The following MYO5A variants were observed in gnomAD, a reference collection of about 807,000 sequenced individuals.
MYO5A encodes the protein myosin VA, also known as unconventional myosin-Va.
A neutral mutation model predicts 249.7 loss-of-function variants in MYO5A; 98 were observed. The ratio of observed to expected loss-of-function variants is 0.39; its 90% CI spans 0.33 to 0.46. MYO5A has a LOEUF of 0.46. MYO5A is among the 20% of genes least tolerant of loss of function. The pLI is 0.98. For synonymous variants in MYO5A, 778 were observed against 810.6 expected (o/e 0.96, Z 0.68); for missense variants, 1,696 against 2,308.8 (o/e 0.73, Z 5.44).
At position 52,397,240 on chromosome 15, in the gene MYO5A, A is replaced by G. The variant is rs201349993; in HGVS notation, c.1280T>C (p.Val427Ala). Residue 427 changes from valine (V) to alanine (A), a missense_variant, in exon 10 of 42, where the codon GTC becomes GCC. Physicochemically the swap from Val to Ala is moderately conservative, Grantham distance 64 (BLOSUM62 0). This residue lies in a region of MYO5A where 185 missense variants were observed against 204.8 expected (regional missense o/e 0.90). Transcript: ENST00000399233. Reference protein sequence around the residue: ...DNVNQALHSAVKQHSFIGVLD... With the variant: ...DNVNQALHSAAKQHSFIGVLD... The stretch of plus-strand genomic sequence containing the variant: ...CACACCAATAAAAGAGTGCTGTTTG[A>G]CAGCAGAATGGAGAGCCTGATTGAC... The G allele has an allele frequency of 9.1e-5, 147 of 1,614,024 alleles. No individual in the cohort carries two copies. The highest frequency in any genetic ancestry group is 3.4e-5 in the Non-Finnish European group (40 of 1,179,994).
At chr15:52,376,055 G>A (rs921058027) in intron 19 of MYO5A, among the ~76,000 whole-genome samples, 6 of 152,096 alleles carry the variant, frequency 3.9e-5, no homozygotes, top group Non-Finnish European at 8.8e-5. Context: ...TCATATTCAC[G>A]ACTGTTTTAA....
chr15:52,403,029 A>G (rs1313629466), intron 9 of MYO5A, among the ~76,000 whole-genome samples: 1 of 152,236 alleles, frequency 6.6e-6, no homozygotes, highest in East Asian at 1.9e-4. Context: ...GAACTTCTGG[A>G]CATTATAAGT....
In MYO5A at chr15:52,370,195, C is replaced by A; in HGVS notation, c.3040G>T (p.Asp1014Tyr). ...TGCTCTGTTTCTTGTTTGTATCGAT[C>A]TGCATGTTCCTCAATGCATTTTTTC... ...SEKKCIEEHA[D>Y]RYKQETEQLV... Residue 1014 changes from aspartate (D) to tyrosine (Y), a missense_variant, in exon 22 of 42, where the codon GAT becomes TAT. Coordinates refer to ENST00000399233, the MANE Select transcript of MYO5A (RefSeq NM_001382347.1). 1.9e-6 allele frequency: 3 copies of A among 1,614,134 alleles called. No homozygotes were observed. Among genetic ancestry groups the A allele is most frequent in the Non-Finnish European group, 2.5e-6 (3 of 1,180,006 alleles).
chr15:52,351,168 TG>T, intron 28 of MYO5A, 85 bp downstream of exon 28: 1 of 1,000,096 alleles, frequency 1.0e-6, no homozygotes, highest in African/African-American at 1.6e-5. Context: ...CTTAAGTGTT[TG>T]CTGCATTATA....
intron 11 of MYO5A, among the ~76,000 whole-genome samples, chr15:52,395,089 C>T (rs566024404): frequency 1.6e-3 from 244 of 152,234 alleles, no homozygotes; most frequent in African/African-American, 5.7e-3. Flanking sequence ...TTCCTTGTCC[C>T]ATCTCTCCCC....
intron 26 of MYO5A, 65 bp from the exon 27 acceptor site, chr15:52,353,723 T>C (rs975320963): frequency 6.3e-6 from 10 of 1,588,568 alleles, no homozygotes; most frequent in Non-Finnish European, 8.6e-6. Flanking sequence ...ATTTACTTGC[T>C]CTACCGAAAA....
intron 1 of MYO5A, among the ~76,000 whole-genome samples, chr15:52,506,166 G>A (rs573626550): frequency 2.6e-5 from 4 of 152,098 alleles, no homozygotes; most frequent in East Asian, 3.9e-4. Flanking sequence ...CTTGGCTAAC[G>A]CAGTGAAACC....
chr15:52,482,238 G>A (rs769453921), intron 1 of MYO5A, among the ~76,000 whole-genome samples: 10 of 151,902 alleles, frequency 6.6e-5, no homozygotes, highest in South Asian at 2.1e-4. Context: ...TCTTTTTTTC[G>A]TTTAACATAA....
Position 52,374,351 on chromosome 15 carries a change from G to T in MYO5A, c.2577+953C>A, listed in dbSNP as rs149091289. Among the ~76,000 whole-genome samples, 1,354 of 152,216 alleles carry T rather than the reference G, an allele frequency of 8.9e-3. 20 individuals carry two copies. Among genetic ancestry groups the T allele is most frequent in the African/African-American group, 0.031 (1,277 of 41,532 alleles). On this transcript the variant is annotated intron_variant, in intron 20 of 41. Coordinates refer to ENST00000399233, the MANE Select transcript of MYO5A (RefSeq NM_001382347.1). ...TTCTTCCAAGGTTGTCTCATTCTTGGAATAACCTTTAACCTGTTTGTCATA... is the reference window on the plus strand; with the variant it reads ...TTCTTCCAAGGTTGTCTCATTCTTGTAATAACCTTTAACCTGTTTGTCATA...
In MYO5A at chr15:52,528,829, C is replaced by A; in HGVS notation, c.-23G>T. The A allele has an allele frequency of 2.7e-6, 4 of 1,475,910 alleles. No homozygotes were observed. The highest frequency in any genetic ancestry group is 3.6e-6 in the Non-Finnish European group (4 of 1,118,576). The allele number at this position is 1,475,910 out of a possible 1,614,324, so 91.4% of individuals were successfully genotyped here. A position where few individuals can be genotyped will look rare whatever the true frequency, so the allele number is the denominator to read the frequency against. On this transcript the variant is annotated 5_prime_UTR_variant, in exon 1 of 42. Transcript: ENST00000399233. Reference sequence around the variant, plus strand: ...CATGGCGGGCCCCGCGCGCCTACGCCCCCCGCCTGTGCGGAGGCCGCACCT... The same window carrying A: ...CATGGCGGGCCCCGCGCGCCTACGCACCCCGCCTGTGCGGAGGCCGCACCT...
rs1318403022 is a variant in MYO5A, at chr15:52,430,280, C to G, written c.139-1711G>C. 2.0e-5 allele frequency among the ~76,000 whole-genome samples: 3 copies of G among 152,148 alleles called. No individual in the cohort carries two copies. In the East Asian group the frequency reaches 5.8e-4, roughly 29 times the overall value. ...TATTAGCCAGGAGACTCCAGAATGG[C>G]AGAAGGGCAACCCAGAGCTCTTTCC... On this transcript the variant is annotated intron_variant, in intron 2 of 41. Transcript: ENST00000399233.
At position 52,309,206 on chromosome 15, in the gene MYO5A, G is replaced by A. The variant is rs188049582; in HGVS notation, c.*4490C>T. 1 of 152,168 alleles carries A rather than the reference G, an allele frequency of 6.6e-6. No individual in the cohort carries two copies. The highest frequency in any genetic ancestry group is 1.5e-5 in the Non-Finnish European group (1 of 68,088). 9.4% of individuals were successfully genotyped at this position (152,168 alleles called of 1,614,324 possible). A position where few individuals can be genotyped will look rare whatever the true frequency, so the allele number is the denominator to read the frequency against. ...GGCTTTTGCTGTTTCCTGTCTTTTT[G>A]GTTGAGACAACCTGCTACCAATTAA... On this transcript the variant is annotated 3_prime_UTR_variant, in exon 42 of 42. Coordinates refer to ENST00000399233, the MANE Select transcript of MYO5A (RefSeq NM_001382347.1).
chr15:52,374,067 C>T (rs560380952), intron 20 of MYO5A, among the ~76,000 whole-genome samples: 6 of 152,204 alleles, frequency 3.9e-5, no homozygotes, highest in African/African-American at 1.4e-4. Context: ...TGGTGATGTC[C>T]ATAGAGCTCT....
intron 34 of MYO5A, among the ~76,000 whole-genome samples, chr15:52,335,560 T>C (rs1013264819): frequency 6.7e-6 from 1 of 150,352 alleles, no homozygotes; most frequent in African/African-American, 2.4e-5. Context: ...GCTTTAGCCT[T>C]GTTCACTGCT....
chr15:52,403,422 G>T (rs2042848327), intron 9 of MYO5A, among the ~76,000 whole-genome samples: 1 of 152,170 alleles, frequency 6.6e-6, no homozygotes, highest in Non-Finnish European at 1.5e-5. Flanking sequence ...CTACAACATG[G>T]ATGGATTTTG....
intron 22 of MYO5A, 140 bp downstream of exon 22, chr15:52,370,029 C>A: frequency 9.0e-7 from 1 of 1,113,518 alleles, no homozygotes; most frequent in Non-Finnish European, 1.4e-6. Context: ...GCTTGGGAAA[C>A]AGTAATAATG....
chr15:52,369,802 C>T (rs926781195), intron 22 of MYO5A, among the ~76,000 whole-genome samples: 1 of 149,880 alleles, frequency 6.7e-6, no homozygotes, highest in African/African-American at 2.5e-5. Context: ...ATTAACCCTA[C>T]TGAAGAAAAA....
At chr15:52,349,581 G>A (rs1014087581) in intron 28 of MYO5A, among the ~76,000 whole-genome samples, 1 of 151,988 alleles carries the variant, frequency 6.6e-6, no homozygotes, top group African/African-American at 2.4e-5. Context: ...TCTGTTAGCT[G>A]GACTGTTTTT....
intron 21 of MYO5A, 114 bp from the exon 22 acceptor site, chr15:52,370,531 A>T (rs2041049934): frequency 1.8e-6 from 2 of 1,120,364 alleles, no homozygotes. Flanking sequence ...ACATTGATAT[A>T]GTATCCAACC....
Sources: allele counts gnomAD v4.1 joint callset (sites outside exome capture counted in the v4.1 genomes callset), GRCh38; gene constraint gnomAD v4.1.1; regional missense constraint gnomAD v4.1.1; transcripts MANE v1.5; gene names NCBI Gene and HGNC (gene_info 2026-07-23, HGNC 2026-07-21).